Variants in AGMO observed in about 807,000 individuals in gnomAD.
AGMO encodes glyceryl-ether monooxygenase.
AGMO carries 75 observed loss-of-function variants against 60.2 expected under a neutral mutation model. The observed-to-expected ratio is 1.25, with a 90% CI of 1.03 to 1.51. The LOEUF is 1.51. Among genes scored for constraint, AGMO ranks in the 40% most tolerant of loss-of-function variants. The pLI is 0.00. For synonymous variants in AGMO, 261 were observed against 177.1 expected (o/e 1.47, Z -3.76); for missense variants, 763 against 525.5 (o/e 1.45, Z -4.42).
chr7:15,329,678 T>A (rs188423758), intron 12 of AGMO, among the ~76,000 whole-genome samples: 1 of 152,204 alleles, frequency 6.6e-6, no homozygotes, highest in Admixed American at 6.5e-5. Context: ...TCCTGTCCAT[T>A]ATTATGTTTA....
At chr7:15,290,289 A>G (rs1296669330) in intron 12 of AGMO, among the ~76,000 whole-genome samples, 2 of 152,110 alleles carry the variant, frequency 1.3e-5, no homozygotes, top group African/African-American at 2.4e-5. Flanking sequence ...GGCCTCCCGA[A>G]GTGTTGGGAT....
the AGMO span, among the ~76,000 whole-genome samples, chr7:15,158,276 G>T: frequency 6.6e-6 from 1 of 152,144 alleles, no homozygotes; most frequent in Non-Finnish European, 1.5e-5. Flanking sequence ...CTTGGCAATT[G>T]TTCTCATTAG....
chr7:15,364,510 T>C (rs1165097177), intron 12 of AGMO, among the ~76,000 whole-genome samples: 1 of 152,072 alleles, frequency 6.6e-6, no homozygotes, highest in Admixed American at 6.6e-5. Flanking sequence ...TAATTTCAAA[T>C]AGTCCTCCAT....
At chr7:15,135,464 T>C in the AGMO span, among the ~76,000 whole-genome samples, 1 of 152,176 alleles carries the variant, frequency 6.6e-6, no homozygotes, top group Non-Finnish European at 1.5e-5. Context: ...TTTGACTTTA[T>C]GAGTTTGTCT....
chr7:15,555,079 T>C (rs1785088744), intron 2 of AGMO, among the ~76,000 whole-genome samples: 1 of 151,804 alleles, frequency 6.6e-6, no homozygotes, highest in Non-Finnish European at 1.5e-5. Flanking sequence ...TGCCAATTTA[T>C]ATTATTCCAC....
intron 12 of AGMO, among the ~76,000 whole-genome samples, chr7:15,275,770 A>G (rs1012726127): frequency 1.3e-5 from 2 of 151,174 alleles, no homozygotes; most frequent in African/African-American, 4.9e-5. Flanking sequence ...GTGCTATTGA[A>G]CCATTTATCA....
intron 12 of AGMO, among the ~76,000 whole-genome samples, chr7:15,244,515 T>G (rs188688520): frequency 9.2e-5 from 14 of 152,166 alleles, no homozygotes; most frequent in African/African-American, 3.4e-4. Flanking sequence ...TAAATGTCAA[T>G]GCAAAGAACG....
At chr7:15,258,570 TAAAA>T (rs1217542451) in intron 12 of AGMO, among the ~76,000 whole-genome samples, 1 of 151,114 alleles carries the variant, frequency 6.6e-6, no homozygotes, top group Non-Finnish European at 1.5e-5. Flanking sequence ...AAAAATAAAA[TAAAA>T]AAAGAAAAAG....
At chr7:15,560,095 G>C (rs764774468) in intron 2 of AGMO, 46 bp downstream of exon 2, 2 of 1,502,986 alleles carry the variant, frequency 1.3e-6, no homozygotes, top group African/African-American at 1.4e-5. Flanking sequence ...CTCATACTTA[G>C]GCAATTTCAG....
intron 5 of AGMO, among the ~76,000 whole-genome samples, chr7:15,403,969 A>C (rs1216204254): frequency 2.0e-5 from 3 of 151,938 alleles, no homozygotes; most frequent in Admixed American, 2.0e-4. Context: ...ATGCTGATTT[A>C]TTCACGGCCA....
chr7:15,280,076 G>T (rs1395624621), intron 12 of AGMO, among the ~76,000 whole-genome samples: 3 of 152,184 alleles, frequency 2.0e-5, no homozygotes, highest in Non-Finnish European at 4.4e-5. Context: ...GAATCAGGGG[G>T]TGAGTGAGAA....
rs1045779774 is a variant in AGMO at position 15,249,336 on chromosome 7, G to A, written c.1264-47977C>T. On this transcript the variant is annotated intron_variant, in intron 12 of 12. Transcript: ENST00000342526. ...TAGCCTGTTCTTGTGTGTAAGTGTG[G>A]AAAGAGGGAGAAGAGTAACTATGGA... 2.0e-5 allele frequency among the ~76,000 whole-genome samples: 3 copies of A among 152,076 alleles called. 1 individual carries two copies. Among genetic ancestry groups the A allele is most frequent in the African/African-American group, 7.2e-5 (3 of 41,418 alleles).
the AGMO span, among the ~76,000 whole-genome samples, chr7:15,171,730 C>T: frequency 6.6e-6 from 1 of 152,108 alleles, no homozygotes; most frequent in Non-Finnish European, 1.5e-5. Context: ...TTATTTCTAA[C>T]AAGTTTCTTA....
chr7:15,417,048 G>A (rs1001722520), intron 5 of AGMO, among the ~76,000 whole-genome samples: 11 of 152,034 alleles, frequency 7.2e-5, no homozygotes, highest in South Asian at 4.1e-4. Context: ...GTAACTACAC[G>A]GTTGAGAAAT....
intron 3 of AGMO, among the ~76,000 whole-genome samples, chr7:15,537,280 A>G (rs1380718819): frequency 1.3e-5 from 2 of 152,104 alleles, no homozygotes; most frequent in Non-Finnish European, 2.9e-5. Context: ...CGTAAAATCT[A>G]TCTCAGAGTG....
At chr7:15,151,747 T>C in the AGMO span, among the ~76,000 whole-genome samples, 163 of 152,270 alleles carry the variant, frequency 1.1e-3, no homozygotes, top group South Asian at 0.011. Context: ...CACTTCAGAA[T>C]ATGTGGTGTG....
chr7:15,498,254 C>T (rs1168084805), intron 3 of AGMO, among the ~76,000 whole-genome samples: 1 of 151,900 alleles, frequency 6.6e-6, no homozygotes, highest in Non-Finnish European at 1.5e-5. Flanking sequence ...CTTTGCTAAA[C>T]TTTTTCATCT....
At chr7:15,467,886 T>C (rs969751771) in intron 3 of AGMO, among the ~76,000 whole-genome samples, 2 of 152,058 alleles carry the variant, frequency 1.3e-5, no homozygotes, top group Non-Finnish European at 1.5e-5. Context: ...TCCTTCAATA[T>C]AGTACGGCTC....
chr7:15,327,634 T>C (rs950344936), intron 12 of AGMO, among the ~76,000 whole-genome samples: 5 of 151,518 alleles, frequency 3.3e-5, no homozygotes, highest in African/African-American at 1.2e-4. Context: ...TAAACGACAA[T>C]GGGAGACTAT....
Sources: allele counts gnomAD v4.1 joint callset (sites outside exome capture counted in the v4.1 genomes callset), GRCh38; gene constraint gnomAD v4.1.1; transcripts MANE v1.5; gene names NCBI Gene and HGNC (gene_info 2026-07-23, HGNC 2026-07-21).